The following RPS6KA5 variants were observed in gnomAD, a reference collection of about 807,000 sequenced individuals.
The protein encoded by RPS6KA5 is ribosomal protein S6 kinase A5.
In RPS6KA5, 27 loss-of-function variants were observed where a neutral mutation model predicts 85.5. That is an observed-to-expected ratio of 0.32 (90% CI 0.23 to 0.44). RPS6KA5 has a LOEUF of 0.44. RPS6KA5 is among the 20% of genes least tolerant of loss of function. RPS6KA5 has a pLI of 1.00. For synonymous variants in RPS6KA5, 334 were observed against 348.2 expected (o/e 0.96, Z 0.46); for missense variants, 811 against 980.9 (o/e 0.83, Z 2.31).
intron 3 of RPS6KA5, among the ~76,000 whole-genome samples, chr14:90,963,054 A>G (rs1432139352): frequency 2.0e-5 from 3 of 152,202 alleles, no homozygotes; most frequent in Non-Finnish European, 4.4e-5. Context: ...ACTTTTTTCC[A>G]GTCCAATTTC....
Position 90,900,325 on chromosome 14 carries a change from T to G in RPS6KA5, c.1246-84A>C, listed in dbSNP as rs1306174415. On this transcript the variant is annotated intron_variant, in intron 10 of 16. Transcript: ENST00000614987. ...ATAAAATTGTAGAGTAAAATAAAAT[T>G]ATTAATATTAATAAACAGGAATAGA... 5.4e-6 allele frequency: 5 copies of G among 926,190 alleles called. No homozygotes were observed. In the Admixed American group the frequency reaches 9.4e-5, roughly 17 times the overall value. 57.4% of individuals were successfully genotyped at this position (926,190 alleles called of 1,614,324 possible).
intron 14 of RPS6KA5, among the ~76,000 whole-genome samples, chr14:90,885,397 C>A (rs1426571327): frequency 6.7e-6 from 1 of 150,128 alleles, no homozygotes. Flanking sequence ...ACTAGAAATA[C>A]AAAAAATTAG....
chr14:90,954,703 C>G (rs112204628), intron 3 of RPS6KA5, among the ~76,000 whole-genome samples: 1 of 152,176 alleles, frequency 6.6e-6, no homozygotes, highest in Non-Finnish European at 1.5e-5. Context: ...CATGAGCCAC[C>G]GTACTAGGCC....
At chr14:91,040,680 T>C (rs573849292) in intron 1 of RPS6KA5, among the ~76,000 whole-genome samples, 2 of 152,154 alleles carry the variant, frequency 1.3e-5, no homozygotes, top group East Asian at 3.9e-4. Flanking sequence ...GGGCTGACAA[T>C]GGAGTACCAA....
At position 90,876,773 on chromosome 14, in the gene RPS6KA5, T is replaced by C. The variant is rs1286263; in HGVS notation, c.1837-1413A>G. ...AGGGAAGCGTGCTCATCCTGGCACT[T>C]AGGAAGGGACATGGAGGGGAGGCTC... On this transcript the variant is annotated intron_variant, in intron 14 of 16. Transcript: ENST00000614987. Among the ~76,000 whole-genome samples the C allele has an allele frequency of 8.1e-3, 1,239 of 152,260 alleles. 16 individuals carry two copies. Among genetic ancestry groups the C allele is most frequent in the African/African-American group, 0.029 (1,206 of 41,546 alleles).
rs2031878329 is a variant in RPS6KA5, at chr14:90,849,434, T to C, written c.*22640A>G. ...TGCCTGACAGGCTGCCTTGGGCTAC[T>C]ACACAGCTGATATGAGTGGACAGCA... On this transcript the variant is annotated 3_prime_UTR_variant, in exon 17 of 17. Coordinates refer to ENST00000614987, the MANE Select transcript of RPS6KA5 (RefSeq NM_004755.4). The C allele has an allele frequency of 6.6e-6, 1 of 152,306 alleles. No individual in the cohort carries two copies. Among genetic ancestry groups the C allele is most frequent in the Non-Finnish European group, 1.5e-5 (1 of 68,088 alleles). The allele number at this position is 152,306 out of a possible 1,614,324, so 9.4% of individuals were successfully genotyped here.
intron 7 of RPS6KA5, among the ~76,000 whole-genome samples, chr14:90,909,891 T>C (rs1378622869): frequency 6.6e-6 from 1 of 152,162 alleles, no homozygotes; most frequent in Non-Finnish European, 1.5e-5. Flanking sequence ...TTATCTTGCC[T>C]CAGCTTCCCG....
chr14:90,899,301 G>GAA, intron 12 of RPS6KA5, 28 bp downstream of exon 12: 1 of 1,003,914 alleles, frequency 1.0e-6, no homozygotes, highest in Non-Finnish European at 1.4e-6. Flanking sequence ...AGTACACATG[G>GAA]GAAAAAAAAA....
At chr14:91,038,339 G>A (rs2042478197) in intron 1 of RPS6KA5, among the ~76,000 whole-genome samples, 1 of 152,214 alleles carries the variant, frequency 6.6e-6, no homozygotes, top group African/African-American at 2.4e-5. Flanking sequence ...GCCTCACACA[G>A]GTGTGGGAGT....
chr14:90,945,854 T>A (rs2037844202), intron 4 of RPS6KA5, among the ~76,000 whole-genome samples: 2 of 152,040 alleles, frequency 1.3e-5, no homozygotes, highest in Non-Finnish European at 2.9e-5. Context: ...AATACAAAAC[T>A]TAGCCAGGTG....
At chr14:91,019,244 T>C (rs1313396499) in intron 1 of RPS6KA5, among the ~76,000 whole-genome samples, 2 of 152,184 alleles carry the variant, frequency 1.3e-5, no homozygotes, top group Non-Finnish European at 2.9e-5. Context: ...ACAAACACTA[T>C]CCTGGGTGTT....
At chr14:90,931,570 A>G (rs1314977630) in intron 5 of RPS6KA5, among the ~76,000 whole-genome samples, 2 of 152,206 alleles carry the variant, frequency 1.3e-5, no homozygotes, top group Non-Finnish European at 2.9e-5. Context: ...TAAGCCGTAA[A>G]AGAAAAGATT....
At chr14:91,011,256 G>A (rs1445237375) in intron 1 of RPS6KA5, among the ~76,000 whole-genome samples, 1 of 152,142 alleles carries the variant, frequency 6.6e-6, no homozygotes, top group Non-Finnish European at 1.5e-5. Flanking sequence ...GGGAGGCCGA[G>A]GCGGGTGGAT....
chr14:90,873,387 C>T (rs1362733353), intron 16 of RPS6KA5, among the ~76,000 whole-genome samples: 3 of 152,152 alleles, frequency 2.0e-5, no homozygotes, highest in Non-Finnish European at 4.4e-5. Flanking sequence ...TATCTCATCT[C>T]ATAAGGTCAT....
Position 90,875,856 on chromosome 14 carries a change from A to C in RPS6KA5, c.1837-496T>G, listed in dbSNP as rs1445032172. Among the ~76,000 whole-genome samples the C allele has an allele frequency of 2.8e-5, 4 of 144,416 alleles. No homozygotes were observed. The East Asian group carries it at 8.5e-4, about 31-fold the overall frequency. 94.7% of individuals were successfully genotyped at this position (144,416 alleles called of 152,430 possible). ...TCATAGGTGGGAATTGAACAATGAG[A>C]ACACATGGACACAGGAAGGGGAACA... On this transcript the variant is annotated intron_variant, in intron 14 of 16. Coordinates refer to ENST00000614987, the MANE Select transcript of RPS6KA5 (RefSeq NM_004755.4).
chr14:90,982,434 C>T (rs2039835231), intron 2 of RPS6KA5, among the ~76,000 whole-genome samples: 1 of 152,100 alleles, frequency 6.6e-6, no homozygotes, highest in South Asian at 2.1e-4. Flanking sequence ...TGCACTACAG[C>T]CTGTGTGACA....
intron 3 of RPS6KA5, among the ~76,000 whole-genome samples, chr14:90,965,445 G>A (rs1188314528): frequency 6.6e-6 from 1 of 152,134 alleles, no homozygotes; most frequent in African/African-American, 2.4e-5. Flanking sequence ...AAGATACAGA[G>A]GATTTTAAGG....
rs770148887 is a variant in RPS6KA5 at position 90,983,787 on chromosome 14, T to TTCTCTC, written c.176-5269_176-5264dup. Among the ~76,000 whole-genome samples the TTCTCTC allele has an allele frequency of 7.4e-3, 962 of 129,318 alleles. 35 individuals are homozygous for TTCTCTC. The East Asian group carries it at 0.11, about 14-fold the overall frequency. The allele number at this position is 129,318 out of a possible 152,430, so 84.8% of individuals were successfully genotyped here. On this transcript the variant is annotated intron_variant, in intron 2 of 16. Transcript: ENST00000614987. The stretch of plus-strand genomic sequence containing the variant: ...TTCTTTCTTTCCTTTCTTTCTTTCT[T>TTCTCTC]TCTCTCTCTCTCTCTCTCTCTCTCT...
chr14:91,057,009 A>G (rs1382819714), intron 1 of RPS6KA5, among the ~76,000 whole-genome samples: 1 of 150,018 alleles, frequency 6.7e-6, no homozygotes, highest in African/African-American at 2.5e-5. Context: ...CCTCCCGAGT[A>G]GCTGGGACTA....
Sources: allele counts gnomAD v4.1 joint callset (sites outside exome capture counted in the v4.1 genomes callset), GRCh38; gene constraint gnomAD v4.1.1; transcripts MANE v1.5; gene names NCBI Gene and HGNC (gene_info 2026-07-23, HGNC 2026-07-21).